Variants in TRPC4AP observed in about 807,000 individuals in gnomAD.
The protein encoded by TRPC4AP is transient receptor potential cation channel subfamily C member 4 associated protein, also known as short transient receptor potential channel 4-associated protein.
A neutral mutation model predicts 99.0 loss-of-function variants in TRPC4AP; 45 were observed. The ratio of observed to expected loss-of-function variants is 0.45; its 90% CI spans 0.36 to 0.58. The LOEUF (loss-of-function observed/expected upper bound fraction) is 0.58. TRPC4AP is among the 20% of genes least tolerant of loss of function. The probability of loss-of-function intolerance (pLI) is 0.00; values close to 1 mark genes in which losing one functional copy is unlikely to be tolerated. For synonymous variants in TRPC4AP, 408 were observed against 385.8 expected (o/e 1.06, Z -0.67); for missense variants, 879 against 985.3 (o/e 0.89, Z 1.44).
chr20:35,084,947 T>G (rs2084796298), intron 1 of TRPC4AP, among the ~76,000 whole-genome samples: 1 of 152,174 alleles, frequency 6.6e-6, no homozygotes, highest in South Asian at 2.1e-4. Context: ...AGCTGTGATA[T>G]AACTACATTG....
rs564183789 is a variant in TRPC4AP, at chr20:35,040,814, G to C, written c.865+3691C>G. On this transcript the variant is annotated intron_variant, in intron 7 of 18. Coordinates refer to ENST00000252015, the MANE Select transcript of TRPC4AP (RefSeq NM_015638.3). ...TCATGGGACTCCTCCGCCTGTGATC[G>C]TGTGAGCCAATTCCCCTAACAAATC... 6.6e-5 allele frequency among the ~76,000 whole-genome samples: 10 copies of C among 152,202 alleles called. 1 individual carries two copies. The East Asian group carries it at 1.2e-3, about 18-fold the overall frequency.
chr20:35,086,525 A>ATG (rs1176461079), intron 1 of TRPC4AP, among the ~76,000 whole-genome samples: 1,420 of 69,156 alleles, frequency 0.021, 64 homozygotes, highest in Non-Finnish European at 0.03. Flanking sequence ...GTGTGTATAT[A>ATG]TGTGTGTGTG....
At chr20:35,020,522 C>T (rs980497816) in intron 9 of TRPC4AP, among the ~76,000 whole-genome samples, 3 of 152,168 alleles carry the variant, frequency 2.0e-5, no homozygotes, top group African/African-American at 7.2e-5. Context: ...ATGGGGGTAA[C>T]TGCACCTCTG....
At chr20:35,023,235 T>C (rs535152072) in intron 8 of TRPC4AP, among the ~76,000 whole-genome samples, 29 of 152,264 alleles carry the variant, frequency 1.9e-4, no homozygotes, top group Non-Finnish European at 3.5e-4. Flanking sequence ...TGGTCTTCAG[T>C]AAATCAGTGG....
rs751280840 is a variant in TRPC4AP, at chr20:35,055,069, A to G, written c.473-38T>C. On this transcript the variant is annotated intron_variant, in intron 4 of 18. Coordinates refer to ENST00000252015, the MANE Select transcript of TRPC4AP (RefSeq NM_015638.3). The stretch of plus-strand genomic sequence containing the variant: ...GGGTAATGACTGGTTATTTTTCTCA[A>G]TGAAAAGATAGTACAACAGTTACCA... 6.3e-6 allele frequency: 10 copies of G among 1,579,626 alleles called. No individual in the cohort carries two copies. In the East Asian group the frequency reaches 2.2e-4, roughly 35 times the overall value.
At chr20:35,038,393 G>T (rs1250323856) in intron 7 of TRPC4AP, among the ~76,000 whole-genome samples, 1 of 151,898 alleles carries the variant, frequency 6.6e-6, no homozygotes, top group Non-Finnish European at 1.5e-5. Flanking sequence ...TCTTTGGAGG[G>T]TTAATTTGTC....
chr20:35,007,774 C>CTGAA, intron 13 of TRPC4AP, 134 bp from the exon 14 acceptor site: 1 of 901,120 alleles, frequency 1.1e-6, no homozygotes, highest in Non-Finnish European at 1.7e-6. Context: ...AAGCATCAGG[C>CTGAA]TTCATCCTGG....
At chr20:35,021,482 A>C in intron 8 of TRPC4AP, 126 bp from the exon 9 acceptor site, 1 of 1,097,424 alleles carries the variant, frequency 9.1e-7, no homozygotes. Context: ...CAAAACACAG[A>C]CTCTGAAAGC....
At chr20:35,071,020 CAAG>C (rs931003902) in intron 2 of TRPC4AP, among the ~76,000 whole-genome samples, 29 of 150,912 alleles carry the variant, frequency 1.9e-4, no homozygotes, top group African/African-American at 6.7e-4. Context: ...TGAGATTTTG[CAAG>C]AAGCAAATAA....
chr20:35,049,818 G>A, intron 6 of TRPC4AP, 48 bp downstream of exon 6: 2 of 1,563,806 alleles, frequency 1.3e-6, no homozygotes, highest in South Asian at 1.2e-5. Flanking sequence ...AGAATCCAAT[G>A]GTCTGAGACA....
intron 8 of TRPC4AP, among the ~76,000 whole-genome samples, chr20:35,023,769 G>C (rs1404649664): frequency 6.6e-6 from 1 of 152,218 alleles, no homozygotes; most frequent in Non-Finnish European, 1.5e-5. Context: ...GCTCTAGGGA[G>C]TCCTGCAGGG....
chr20:35,078,798 G>A (rs578236043), intron 1 of TRPC4AP, among the ~76,000 whole-genome samples: 1 of 152,330 alleles, frequency 6.6e-6, no homozygotes, highest in African/African-American at 2.4e-5. Flanking sequence ...AGGCACGGTG[G>A]CTCACACCTG....
chr20:35,077,136 T>A (rs766120047), intron 2 of TRPC4AP, among the ~76,000 whole-genome samples: 1 of 151,940 alleles, frequency 6.6e-6, no homozygotes, highest in Non-Finnish European at 1.5e-5. Context: ...AGGGTGGGAG[T>A]GTCCCGATTT....
Position 35,013,047 on chromosome 20 carries a change from T to C in TRPC4AP, c.1370A>G (p.Gln457Arg). Reference protein sequence around the residue: ...DCSPDITLKIQFLRLLQSFSD... With the variant: ...DCSPDITLKIRFLRLLQSFSD... ...GAAGCTCTGAAGAAGCCTCAAAAAC[T>C]GTATCTTCAAGGTGATGTCCTGAAA... Residue 457 changes from glutamine to arginine, a missense_variant, in exon 11 of 19, where the codon CAG becomes CGG. Coordinates refer to ENST00000252015, the MANE Select transcript of TRPC4AP (RefSeq NM_015638.3). The C allele has an allele frequency of 6.2e-7, 1 of 1,614,102 alleles. No individual in the cohort carries two copies. The highest frequency in any genetic ancestry group is 8.5e-7 in the Non-Finnish European group (1 of 1,180,032).
chr20:35,048,017 ACACT>A (rs373363028), intron 6 of TRPC4AP, among the ~76,000 whole-genome samples: 139 of 152,234 alleles, frequency 9.1e-4, no homozygotes, highest in African/African-American at 3.2e-3. Context: ...ACTGATACAC[ACACT>A]CACCAACATT....
Position 35,003,028 on chromosome 20 carries a change from C to A in TRPC4AP, c.*118G>T. On this transcript the variant is annotated 3_prime_UTR_variant, in exon 19 of 19. Coordinates refer to ENST00000252015, the MANE Select transcript of TRPC4AP (RefSeq NM_015638.3). ...GACTTCCCTCCCACCAAGCCTGTAC[C>A]CAAAGACCTGGGGCAGGCAGAGAGC... 1 of 1,450,530 alleles carries A rather than the reference C, an allele frequency of 6.9e-7. No individual in the cohort carries two copies. The highest frequency in any genetic ancestry group is 9.4e-7 in the Non-Finnish European group (1 of 1,068,800). The allele number at this position is 1,450,530 out of a possible 1,614,324, so 89.9% of individuals were successfully genotyped here. A position where few individuals can be genotyped will look rare whatever the true frequency, so the allele number is the denominator to read the frequency against.
At chr20:35,070,152 C>T (rs1027690439) in intron 2 of TRPC4AP, among the ~76,000 whole-genome samples, 2 of 152,158 alleles carry the variant, frequency 1.3e-5, no homozygotes, top group African/African-American at 2.4e-5. Flanking sequence ...CAGTACCACC[C>T]TACCCAACAG....
intron 9 of TRPC4AP, among the ~76,000 whole-genome samples, chr20:35,019,413 C>T (rs1209127267): frequency 6.6e-6 from 1 of 152,178 alleles, no homozygotes. Context: ...CAGAGAACTG[C>T]TGTGAGAGGG....
chr20:35,055,883 G>A (rs895927589), intron 4 of TRPC4AP, among the ~76,000 whole-genome samples: 4 of 152,164 alleles, frequency 2.6e-5, no homozygotes, highest in African/African-American at 9.7e-5. Context: ...AGCAGGAACA[G>A]GAAAGTAGCA....
Sources: allele counts gnomAD v4.1 joint callset (sites outside exome capture counted in the v4.1 genomes callset), GRCh38; gene constraint gnomAD v4.1.1; transcripts MANE v1.5; gene names NCBI Gene and HGNC (gene_info 2026-07-23, HGNC 2026-07-21).